PTPRD: variants seen among roughly 807,000 people sequenced by gnomAD.
PTPRD encodes receptor-type tyrosine-protein phosphatase delta.
In PTPRD, 34 loss-of-function variants were observed where a neutral mutation model predicts 214.5. The observed-to-expected ratio is 0.16, with a 90% CI of 0.12 to 0.21. PTPRD has a LOEUF of 0.21. Ranked by LOEUF, PTPRD falls within the 10% of genes least tolerant of loss-of-function variation. PTPRD has a pLI of 1.00. For synonymous variants in PTPRD, 1,128 were observed against 845.7 expected, an observed-to-expected ratio of 1.33 and a Z score of -5.79; for missense variants, 2,545 against 2,398.7, an observed-to-expected ratio of 1.06 and a Z score of -1.27.
At chr9:9,993,176 T>C (rs2096008267) in intron 4 of PTPRD, among the ~76,000 whole-genome samples, 1 of 152,204 alleles carries the variant, frequency 6.6e-6, no homozygotes, top group African/African-American at 2.4e-5. Context: ...GGAATTCTCA[T>C]ATTCTCCTGG....
intron 11 of PTPRD, among the ~76,000 whole-genome samples, chr9:9,000,053 T>A (rs964240548): frequency 1.3e-5 from 2 of 152,022 alleles, no homozygotes; most frequent in Admixed American, 1.3e-4. Flanking sequence ...ATGCTGCTTT[T>A]ATGGGTAACT....
At chr9:10,132,934 G>A (rs1052507682) in intron 3 of PTPRD, among the ~76,000 whole-genome samples, 2 of 139,756 alleles carry the variant, frequency 1.4e-5, no homozygotes, top group East Asian at 2.1e-4. Flanking sequence ...CAACAGAAGT[G>A]ATGATATGTC....
intron 11 of PTPRD, among the ~76,000 whole-genome samples, chr9:8,942,272 G>C (rs1386996982): frequency 1.3e-5 from 2 of 151,876 alleles, no homozygotes; most frequent in African/African-American, 4.8e-5. Flanking sequence ...CTTTTTTCTG[G>C]TGCAATTGTT....
chr9:8,419,368 A>T, intron 35 of PTPRD, among the ~76,000 whole-genome samples: 1 of 152,146 alleles, frequency 6.6e-6, no homozygotes, highest in Admixed American at 6.6e-5. Context: ...AAGAAAACTT[A>T]TTAAGTGATA....
intron 7 of PTPRD, among the ~76,000 whole-genome samples, chr9:9,731,735 C>T (rs560817449): frequency 6.6e-6 from 1 of 152,202 alleles, no homozygotes; most frequent in East Asian, 1.9e-4. Flanking sequence ...CGCATGTTCT[C>T]ACTCATGGGT....
intron 8 of PTPRD, among the ~76,000 whole-genome samples, chr9:9,545,414 C>T (rs967580717): frequency 6.6e-6 from 1 of 151,826 alleles, no homozygotes; most frequent in African/African-American, 2.4e-5. Flanking sequence ...GTAGCCTTTT[C>T]AGATTGGCTC....
intron 2 of PTPRD, among the ~76,000 whole-genome samples, chr9:10,393,462 GA>G (rs2098111017): frequency 6.6e-6 from 1 of 151,350 alleles, no homozygotes; most frequent in Non-Finnish European, 1.5e-5. Context: ...TTGATTTCAA[GA>G]AACATGCAAA....
Position 9,777,897 on chromosome 9 carries a change from G to GTTT in PTPRD, c.-367-11049_-367-11047dup, listed in dbSNP as rs375582471. Among the ~76,000 whole-genome samples, 438 of 152,188 alleles carry GTTT rather than the reference G, an allele frequency of 2.9e-3. 2 individuals are homozygous for GTTT. The highest frequency in any genetic ancestry group is 0.01 in the African/African-American group (416 of 41,514). On this transcript the variant is annotated intron_variant, in intron 5 of 45. Coordinates refer to ENST00000381196, the MANE Select transcript of PTPRD (RefSeq NM_002839.4). ...CCTTCAACACAATTACCCCAAATGG[G>GTTT]TTTATACATGAGTCATTGTCTATAA...
intron 7 of PTPRD, among the ~76,000 whole-genome samples, chr9:9,618,989 C>T (rs1481985561): frequency 3.3e-5 from 5 of 151,790 alleles, no homozygotes; most frequent in Non-Finnish European, 5.9e-5. Context: ...GGAAGCAAAG[C>T]AAGAAGAATG....
rs545450639 is a variant in PTPRD at position 8,727,973 on chromosome 9, C to A, written c.64+5807G>T. Among the ~76,000 whole-genome samples the A allele has an allele frequency of 4.2e-4, 64 of 152,304 alleles. No homozygotes were observed. In the South Asian group the frequency reaches 0.011, roughly 26 times the overall value. On this transcript the variant is annotated intron_variant, in intron 12 of 45. Transcript: ENST00000381196. Reference sequence around the variant, plus strand: ...ACTTAAGAACATTTTTGAGGCCAGGCGCAGTGGCTCATGCCTGTAATCCCA... The same window carrying A: ...ACTTAAGAACATTTTTGAGGCCAGGAGCAGTGGCTCATGCCTGTAATCCCA...
At chr9:9,352,052 C>A (rs142607015) in intron 9 of PTPRD, among the ~76,000 whole-genome samples, 1 of 151,872 alleles carries the variant, frequency 6.6e-6, no homozygotes, top group Non-Finnish European at 1.5e-5. Flanking sequence ...AAGGAATCCT[C>A]CTGCCTTGAC....
At chr9:9,163,694 CA>C (rs752898929) in intron 10 of PTPRD, among the ~76,000 whole-genome samples, 1 of 152,100 alleles carries the variant, frequency 6.6e-6, no homozygotes, top group Non-Finnish European at 1.5e-5. Context: ...TGATCAAGAT[CA>C]AACCTCTAAC....
chr9:10,277,247 A>ACAACATAAAACATAAACAT (rs1564959954), intron 3 of PTPRD, among the ~76,000 whole-genome samples: 3 of 91,564 alleles, frequency 3.3e-5, no homozygotes, highest in Non-Finnish European at 8.0e-5. Flanking sequence ...ACATAAACAT[A>ACAACATAAAACATAAACAT]AAAAAAAAAC....
chr9:10,168,038 G>C (rs1216604324), intron 3 of PTPRD, among the ~76,000 whole-genome samples: 1 of 152,208 alleles, frequency 6.6e-6, no homozygotes, highest in Non-Finnish European at 1.5e-5. Context: ...GAAGTGAAAG[G>C]AGGCAATTCA....
intron 9 of PTPRD, among the ~76,000 whole-genome samples, chr9:9,299,881 C>G (rs1174483707): frequency 6.6e-6 from 1 of 151,042 alleles, no homozygotes; most frequent in Non-Finnish European, 1.5e-5. Flanking sequence ...ATTAATCTAA[C>G]TTGAAAACTA....
chr9:9,865,767 T>C (rs137916260), intron 5 of PTPRD, among the ~76,000 whole-genome samples: 126 of 152,356 alleles, frequency 8.3e-4, no homozygotes, highest in African/African-American at 3.0e-3. Context: ...TAAGCTATCT[T>C]GGGTATTTAT....
intron 3 of PTPRD, among the ~76,000 whole-genome samples, chr9:10,086,501 G>T (rs2098340593): frequency 6.6e-6 from 1 of 151,738 alleles, no homozygotes; most frequent in Admixed American, 6.6e-5. Context: ...ACATTAGATA[G>T]GTCTGTGCTT....
intron 4 of PTPRD, among the ~76,000 whole-genome samples, chr9:10,016,924 C>T (rs777996366): frequency 3.9e-5 from 6 of 152,180 alleles, no homozygotes; most frequent in Non-Finnish European, 5.9e-5. Context: ...TTTGGCCTCC[C>T]AAAGTGCTGG....
At chr9:10,565,989 T>C (rs547131624) in intron 2 of PTPRD, among the ~76,000 whole-genome samples, 14 of 152,138 alleles carry the variant, frequency 9.2e-5, no homozygotes, top group African/African-American at 3.1e-4. Flanking sequence ...ATCCTTAACA[T>C]TATGGTATAA....
Sources: allele counts gnomAD v4.1 joint callset (sites outside exome capture counted in the v4.1 genomes callset), GRCh38; gene constraint gnomAD v4.1.1; transcripts MANE v1.5; gene names NCBI Gene and HGNC (gene_info 2026-07-23, HGNC 2026-07-21).